Variants in BAIAP2L1 observed in about 807,000 individuals in gnomAD.
The protein encoded by BAIAP2L1 is BAR/IMD domain-containing adapter protein 2-like 1.
In BAIAP2L1, 35 loss-of-function variants were observed where a neutral mutation model predicts 66.3. That is an observed-to-expected ratio of 0.53 (90% CI 0.40 to 0.70). The LOEUF (loss-of-function observed/expected upper bound fraction) is 0.70. Ranked by LOEUF, BAIAP2L1 falls within the 30% of genes least tolerant of loss-of-function variation. The pLI is 0.00. For synonymous variants in BAIAP2L1, 269 were observed against 248.7 expected, an observed-to-expected ratio of 1.08 and a Z score of -0.77; for missense variants, 622 against 656.9, an observed-to-expected ratio of 0.95 and a Z score of 0.58.
At chr7:98,394,262 A>AAACAAACAAACAAAC (rs1562796522) in intron 1 of BAIAP2L1, among the ~76,000 whole-genome samples, 7 of 48,558 alleles carry the variant, frequency 1.4e-4, no homozygotes, top group Admixed American at 7.7e-4. Context: ...AACAAACAAA[A>AAACAAACAAACAAAC]AAACCCACAC....
intron 3 of BAIAP2L1, among the ~76,000 whole-genome samples, chr7:98,347,988 G>A (rs569045190): frequency 5.9e-5 from 9 of 152,146 alleles, no homozygotes; most frequent in African/African-American, 2.2e-4. Context: ...GGCCTGTTGT[G>A]GGGTGGGAGG....
chr7:98,330,273 A>T (rs1461705921), intron 3 of BAIAP2L1, among the ~76,000 whole-genome samples: 1 of 152,202 alleles, frequency 6.6e-6, no homozygotes, highest in Non-Finnish European at 1.5e-5. Context: ...GCAACGTGCA[A>T]GAAGAGATGG....
Position 98,320,053 on chromosome 7 carries a change from CTTACG to C in BAIAP2L1, c.348_348+4del. ...GCTGGGGCTGGAGGAAAACCATGCA[CTTACG>C]TTCATATATTTCACGTCAAGTTCTA... On this transcript the variant is annotated splice_donor_variant and splice_donor_region_variant and coding_sequence_variant and intron_variant, in exon 5 of 14. Coordinates refer to ENST00000005260, the MANE Select transcript of BAIAP2L1 (RefSeq NM_018842.5). LOFTEE classifies it high-confidence loss of function. 3 of 1,611,816 alleles carry C rather than the reference CTTACG, an allele frequency of 1.9e-6. 1 individual carries two copies. The South Asian group carries it at 3.3e-5, about 18-fold the overall frequency.
At chr7:98,377,366 A>G (rs973705702) in intron 1 of BAIAP2L1, among the ~76,000 whole-genome samples, 1 of 152,132 alleles carries the variant, frequency 6.6e-6, no homozygotes, top group Non-Finnish European at 1.5e-5. Flanking sequence ...ATATTTCTCC[A>G]TTTTGTTAGA....
At chr7:98,336,261 G>C (rs774358362) in intron 3 of BAIAP2L1, among the ~76,000 whole-genome samples, 25 of 152,102 alleles carry the variant, frequency 1.6e-4, no homozygotes, top group South Asian at 4.1e-4. Flanking sequence ...ATATACCCAG[G>C]TAACAAACCC....
At chr7:98,394,099 C>G (rs572816596) in intron 1 of BAIAP2L1, among the ~76,000 whole-genome samples, 36 of 151,990 alleles carry the variant, frequency 2.4e-4, no homozygotes, top group African/African-American at 8.7e-4. Flanking sequence ...AAAAATTAGC[C>G]GGGCGTGGTG....
intron 10 of BAIAP2L1, chr7:98,307,322 T>C: frequency 1.1e-6 from 1 of 905,578 alleles, no homozygotes; most frequent in Non-Finnish European, 1.4e-6. Flanking sequence ...GCCAGGCTGG[T>C]CTGGAACTCC....
intron 12 of BAIAP2L1, among the ~76,000 whole-genome samples, chr7:98,295,449 G>A (rs142432758): frequency 2.6e-5 from 4 of 152,328 alleles, no homozygotes; most frequent in African/African-American, 7.2e-5. Context: ...CGCTTCCCTA[G>A]CAGGCCTCAG....
intron 1 of BAIAP2L1, among the ~76,000 whole-genome samples, chr7:98,370,851 C>A (rs1447281852): frequency 6.6e-6 from 1 of 152,104 alleles, no homozygotes; most frequent in Non-Finnish European, 1.5e-5. Context: ...TGGCTCTTCA[C>A]CTAGTTATTT....
At chr7:98,360,500 G>A (rs560702772) in intron 2 of BAIAP2L1, among the ~76,000 whole-genome samples, 2 of 152,120 alleles carry the variant, frequency 1.3e-5, no homozygotes, top group African/African-American at 4.8e-5. Context: ...ACCTTCTGAA[G>A]TATTTACTCC....
intron 2 of BAIAP2L1, among the ~76,000 whole-genome samples, chr7:98,361,888 A>G (rs1802276508): frequency 6.6e-6 from 1 of 152,122 alleles, no homozygotes; most frequent in Non-Finnish European, 1.5e-5. Flanking sequence ...GGCGCGCACC[A>G]CCACGTGCAG....
chr7:98,377,689 G>A (rs762039190), intron 1 of BAIAP2L1, among the ~76,000 whole-genome samples: 123 of 151,232 alleles, frequency 8.1e-4, no homozygotes, highest in Non-Finnish European at 1.4e-3. Context: ...GTGGTGGCAC[G>A]CGCCTGTAAT....
chr7:98,323,534 T>C (rs1801302679), intron 3 of BAIAP2L1: 2 of 152,236 alleles, frequency 1.3e-5, no homozygotes, highest in South Asian at 4.1e-4. Context: ...CCTTATATAA[T>C]GTGGATCTCT....
At position 98,293,552 on chromosome 7, in the gene BAIAP2L1, G is replaced by C. The variant is rs140138864; in HGVS notation, c.1505C>G (p.Thr502Arg). 2.5e-6 allele frequency: 4 copies of C among 1,613,858 alleles called. No homozygotes were observed. The highest frequency in any genetic ancestry group is 3.4e-6 in the Non-Finnish European group (4 of 1,179,948). The change falls in exon 14 of 14, where the codon ACG becomes AGG. Residue 502 changes from threonine to arginine, a missense_variant. Thr to Arg is a moderately conservative substitution (Grantham distance 71). Transcript: ENST00000005260. Reference protein sequence around the residue: ...FATVKLRPTVTNDRSAPIIR With the variant: ...FATVKLRPTVRNDRSAPIIR ...AATGATGGGTGCCGAGCGATCATTC[G>C]TCACAGTCGGGCGGAGTTTCACAGT...
At chr7:98,362,498 G>A in intron 1 of BAIAP2L1, 66 bp from the exon 2 acceptor site, 1 of 1,389,054 alleles carries the variant, frequency 7.2e-7, no homozygotes, top group Non-Finnish European at 1.0e-6. Context: ...TTCAGATTTT[G>A]TCACTGTGTG....
chr7:98,399,881 A>G (rs1183128879), intron 1 of BAIAP2L1: 1 of 152,216 alleles, frequency 6.6e-6, no homozygotes, highest in Non-Finnish European at 1.5e-5. Flanking sequence ...GAACCTCACC[A>G]AATAACCCAT....
intron 1 of BAIAP2L1, among the ~76,000 whole-genome samples, chr7:98,374,542 T>TG (rs1217108210): frequency 1.3e-5 from 2 of 152,070 alleles, no homozygotes; most frequent in Non-Finnish European, 2.9e-5. Flanking sequence ...AAATGAATGG[T>TG]GAAAAAAAGT....
rs780179039 is a variant in BAIAP2L1 at position 98,306,444 on chromosome 7, C to T, written c.1236G>A (p.Thr412=). Residue 412 remains threonine, a synonymous_variant, in exon 11 of 14, where the codon ACG becomes ACA. Coordinates refer to ENST00000005260, the MANE Select transcript of BAIAP2L1 (RefSeq NM_018842.5). ...ENETEAVTVP[T]PSPTPVRSIS... The stretch of plus-strand genomic sequence containing the variant: ...TCAGCCACGTTCAGGGCTACCTTGG[C>T]GTGGGCACGGTCACTGCTTCTGTCT... 1.2e-5 allele frequency: 19 copies of T among 1,614,034 alleles called. No individual in the cohort carries two copies. In the East Asian group the frequency reaches 3.1e-4, roughly 26 times the overall value.
In BAIAP2L1 at chr7:98,295,532, G is replaced by C. The variant is rs1231390306; in HGVS notation, c.1423-1421C>G. ...CTAATTTATGATTTAAATGCACCAG[G>C]GTGCCTGTCGCATGTGCTCACGGTG... On this transcript the variant is annotated intron_variant, in intron 12 of 13. Coordinates refer to ENST00000005260, the MANE Select transcript of BAIAP2L1 (RefSeq NM_018842.5). Among the ~76,000 whole-genome samples the C allele has an allele frequency of 5.3e-5, 8 of 152,148 alleles. No homozygotes were observed. The East Asian group carries it at 1.4e-3, about 26-fold the overall frequency.
Sources: gnomAD v4.1 joint callset for allele counts (sites outside exome capture counted in the v4.1 genomes callset) on GRCh38, gnomAD v4.1.1 for gene constraint, MANE v1.5 for transcripts, NCBI Gene and HGNC (gene_info 2026-07-23, HGNC 2026-07-21) for gene names.